SPINT1: variants seen among roughly 807,000 people sequenced by gnomAD.
SPINT1 encodes serine peptidase inhibitor, Kunitz type 1, also known as kunitz-type protease inhibitor 1.
In SPINT1, 38 loss-of-function variants were observed where a neutral mutation model predicts 53.7. The observed-to-expected ratio is 0.71, with a 90% CI of 0.55 to 0.93. The LOEUF (loss-of-function observed/expected upper bound fraction) is 0.93. Ranked by LOEUF, SPINT1 falls within the 40% of genes least tolerant of loss-of-function variation. The probability of loss-of-function intolerance (pLI) is 0.00; values close to 1 mark genes in which losing one functional copy is unlikely to be tolerated. For missense variants in SPINT1, 645 were observed against 692.9 expected (o/e 0.93, Z 0.78); for synonymous variants, 283 against 280.6 (o/e 1.01, Z -0.08).
rs548395522 is a variant in SPINT1, at chr15:40,854,430, G to T, written c.974G>T (p.Arg325Leu). 2 of 1,610,924 alleles carry T rather than the reference G, an allele frequency of 1.2e-6. No homozygotes were observed. The highest frequency in any genetic ancestry group is 1.7e-4 in the Middle Eastern group (1 of 6,030). ...CSGTCQPTQF[R>L]CSNGCCIDSF... Reference sequence around the variant, plus strand: ...GGCACCTGTCAGCCCACCCAGTTCCGCTGCAGCAATGGCTGCTGCATCGAC... The same window carrying T: ...GGCACCTGTCAGCCCACCCAGTTCCTCTGCAGCAATGGCTGCTGCATCGAC... Residue 325 changes from arginine to leucine, a missense_variant, in exon 7 of 11, where the codon CGC (arginine) becomes CTC (leucine). Coordinates refer to ENST00000562057, the MANE Select transcript of SPINT1 (RefSeq NM_003710.4).
intron 2 of SPINT1, among the ~76,000 whole-genome samples, chr15:40,849,349 C>T (rs1009624780): frequency 2.0e-5 from 3 of 152,108 alleles, no homozygotes; most frequent in South Asian, 2.1e-4. Context: ...CAGGCTCAAG[C>T]GATCCTCCCA....
At position 40,856,960 on chromosome 15, in the gene SPINT1, C is replaced by T; in HGVS notation, c.1527C>T (p.Thr509=). 6.2e-7 allele frequency: 1 copy of T among 1,614,000 alleles called. No individual in the cohort carries two copies. The highest frequency in any genetic ancestry group is 2.2e-5 in the East Asian group (1 of 44,882). The change falls in exon 11 of 11, where the codon ACC becomes ACT. Residue 509 remains threonine, a synonymous_variant. Coordinates refer to ENST00000562057, the MANE Select transcript of SPINT1 (RefSeq NM_003710.4). Reference sequence around the variant, plus strand: ...CGGAGCACCTGGTCTATAACCACACCACGCGGCCCCTCTGAGCCTGGGTCT... The same window carrying T: ...CGGAGCACCTGGTCTATAACCACACTACGCGGCCCCTCTGAGCCTGGGTCT... ...EDTEHLVYNH[T]TRPL
intron 2 of SPINT1, among the ~76,000 whole-genome samples, chr15:40,850,337 C>G (rs1018143620): frequency 6.6e-6 from 1 of 152,254 alleles, no homozygotes; most frequent in Non-Finnish European, 1.5e-5. Context: ...TCCCAAAGTG[C>G]TGGGATTACA....
Position 40,853,480 on chromosome 15 carries a change from T to C in SPINT1, c.604-9T>C, listed in dbSNP as rs776383282. 38 of 1,613,964 alleles carry C rather than the reference T, an allele frequency of 2.4e-5. No homozygotes were observed. Among genetic ancestry groups the C allele is most frequent in the South Asian group, 1.2e-4 (11 of 91,090 alleles). ...GGTGCCCAAGCCTGATAGCCACTCC[T>C]GTGTGCAGAGGAAAGACCCAAACCA... On this transcript the variant is annotated splice_polypyrimidine_tract_variant and intron_variant, in intron 3 of 10. Coordinates refer to ENST00000562057, the MANE Select transcript of SPINT1 (RefSeq NM_003710.4).
chr15:40,856,166 G>T, intron 9 of SPINT1, 104 bp downstream of exon 9: 1 of 1,591,192 alleles, frequency 6.3e-7, no homozygotes, highest in Non-Finnish European at 8.6e-7. Flanking sequence ...TCCTCAGAGC[G>T]CCTGGAGTAG....
Position 40,844,935 on chromosome 15 carries a change from C to T in SPINT1, c.381C>T (p.Phe127=). The T allele has an allele frequency of 6.2e-7, 1 of 1,614,018 alleles. No individual in the cohort carries two copies. The highest frequency in any genetic ancestry group is 8.5e-7 in the Non-Finnish European group (1 of 1,180,040). ...TCAACTGCCTCTACGAGCAGAACTT[C>T]GTGTGCAAGTTCGCGCCCAGGGAGG... ...FLINCLYEQN[F]VCKFAPREGF... is the part of the protein sequence containing the mutation. The change falls in exon 2 of 11, where the codon TTC becomes TTT. Residue 127 remains phenylalanine, a synonymous_variant. Coordinates refer to ENST00000562057, the MANE Select transcript of SPINT1 (RefSeq NM_003710.4). The surrounding 1 kb of genome is among the most constrained non-coding windows in gnomAD (Gnocchi z 5.8).
chr15:40,853,664 G>A (rs1172788259), intron 4 of SPINT1, 37 bp downstream of exon 4: 17 of 1,613,918 alleles, frequency 1.1e-5, no homozygotes, highest in Non-Finnish European at 1.4e-5. Flanking sequence ...TGGAGCCCCC[G>A]CTGTGCGGAT....
rs764692557 is a variant in SPINT1, at chr15:40,853,297, T to G, written c.603+46T>G. The G allele has an allele frequency of 2.5e-6, 4 of 1,612,422 alleles. No individual in the cohort carries two copies. In the East Asian group the frequency reaches 8.9e-5, roughly 36 times the overall value. On this transcript the variant is annotated intron_variant, in intron 3 of 10. Transcript: ENST00000562057. The stretch of plus-strand genomic sequence containing the variant: ...TGACCCCGCCCTCTGCCTGCCAGCC[T>G]TCTTGGAGCCCCTTTCTGGGGCCCT...
chr15:40,854,034 C>T (rs766196867), intron 5 of SPINT1, 26 bp from the exon 6 acceptor site: 1 of 1,567,360 alleles, frequency 6.4e-7, no homozygotes, highest in Non-Finnish European at 8.6e-7. Context: ...GTCATGCCTC[C>T]TCTCATTCTC....
chr15:40,851,474 C>T (rs796194294), intron 2 of SPINT1, among the ~76,000 whole-genome samples: 10 of 152,238 alleles, frequency 6.6e-5, no homozygotes, highest in African/African-American at 2.4e-4. Context: ...TTCAACAACA[C>T]CCTACATTCT....
In SPINT1 at chr15:40,853,473, C is replaced by T; in HGVS notation, c.604-16C>T. 6.2e-7 allele frequency: 1 copy of T among 1,614,070 alleles called. No individual in the cohort carries two copies. The highest frequency in any genetic ancestry group is 8.5e-7 in the Non-Finnish European group (1 of 1,180,002). ...ATCAGGGGGTGCCCAAGCCTGATAG[C>T]CACTCCTGTGTGCAGAGGAAAGACC... On this transcript the variant is annotated splice_polypyrimidine_tract_variant and intron_variant, in intron 3 of 10. Coordinates refer to ENST00000562057, the MANE Select transcript of SPINT1 (RefSeq NM_003710.4).
chr15:40,855,562 C>T (rs1566857902), intron 8 of SPINT1, among the ~76,000 whole-genome samples: 2 of 152,074 alleles, frequency 1.3e-5, no homozygotes, highest in Non-Finnish European at 2.9e-5. Flanking sequence ...TGAGGCCAAC[C>T]TGGGCAACAT....
At chr15:40,848,968 C>T (rs564834831) in intron 2 of SPINT1, among the ~76,000 whole-genome samples, 23 of 150,402 alleles carry the variant, frequency 1.5e-4, no homozygotes, top group Non-Finnish European at 1.0e-4. Flanking sequence ...GGGGTCGGGC[C>T]GGGCGCGGTG....
rs369534728 is a variant in SPINT1 at position 40,854,442 on chromosome 15, G to A, written c.986G>A (p.Gly329Asp). 68 of 1,612,620 alleles carry A rather than the reference G, an allele frequency of 4.2e-5. No individual in the cohort carries two copies. The highest frequency in any genetic ancestry group is 5.4e-5 in the Non-Finnish European group (64 of 1,179,436). The change falls in exon 7 of 11, where the codon GGC (glycine) becomes GAC (aspartate). Residue 329 changes from glycine to aspartate, a missense_variant. Physicochemically the swap from Gly to Asp is moderately conservative, Grantham distance 94. Transcript: ENST00000562057. Reference protein sequence around the residue: ...CQPTQFRCSNGCCIDSFLECD... With the variant: ...CQPTQFRCSNDCCIDSFLECD... Reference sequence around the variant, plus strand: ...CCCACCCAGTTCCGCTGCAGCAATGGCTGCTGCATCGACAGTTTCCTGGAG... The same window carrying A: ...CCCACCCAGTTCCGCTGCAGCAATGACTGCTGCATCGACAGTTTCCTGGAG...
At position 40,844,207 on chromosome 15, in the gene SPINT1, CA is replaced by C; in HGVS notation, c.-66+23del. ...CGCAGGTAACCCGGGCCCCCGCGCG[CA>C]AGGCCGAGGCGCAGGCGGAGCGGGC... On this transcript the variant is annotated intron_variant, in intron 1 of 10. Transcript: ENST00000562057. This position sits in a 1 kb window ranked among gnomAD's most constrained non-coding sequence, Gnocchi z 5.8. 1 of 412,848 alleles carries C rather than the reference CA, an allele frequency of 2.4e-6. No homozygotes were observed. Among genetic ancestry groups the C allele is most frequent in the Non-Finnish European group, 4.5e-6 (1 of 221,258 alleles). The allele number at this position is 412,848 out of a possible 1,614,324, so 25.6% of individuals were successfully genotyped here.
chr15:40,852,708 G>A (rs537802242), intron 2 of SPINT1, among the ~76,000 whole-genome samples: 1 of 151,740 alleles, frequency 6.6e-6, no homozygotes, highest in Non-Finnish European at 1.5e-5. Context: ...ATTTGCTTCA[G>A]AAAGAGGGTT....
intron 2 of SPINT1, among the ~76,000 whole-genome samples, chr15:40,846,325 G>GT (rs1891295131): frequency 6.6e-6 from 1 of 152,100 alleles, no homozygotes; most frequent in African/African-American, 2.4e-5. Context: ...GCAGGGGTAG[G>GT]TCACCTCTCA....
intron 5 of SPINT1, 39 bp from the exon 6 acceptor site, chr15:40,854,021 C>T (rs1178492976): frequency 2.5e-6 from 4 of 1,576,066 alleles, no homozygotes; most frequent in Non-Finnish European, 3.4e-6. Flanking sequence ...CCACTGGAGC[C>T]TGGTCATGCC....
Position 40,853,087 on chromosome 15 carries a change from T to A in SPINT1, c.476-37T>A, listed in dbSNP as rs755628866. On this transcript the variant is annotated intron_variant, in intron 2 of 10. Transcript: ENST00000562057. ...CCTGAGAGAAGCCTGGTCCATCTAG[T>A]GAGAATTGACCTTATCTCACTTTCT... The A allele has an allele frequency of 8.1e-6, 13 of 1,603,722 alleles. No homozygotes were observed. In the Admixed American group the frequency reaches 1.9e-4, roughly 23 times the overall value.
Sources: allele counts gnomAD v4.1 joint callset (sites outside exome capture counted in the v4.1 genomes callset), GRCh38; gene constraint gnomAD v4.1.1; non-coding constraint Gnocchi (gnomAD v3.1); transcripts MANE v1.5; gene names NCBI Gene and HGNC (gene_info 2026-07-23, HGNC 2026-07-21).